Variants in ADAMTS18 observed in about 807,000 individuals in gnomAD.
ADAMTS18 encodes the protein A disintegrin and metalloproteinase with thrombospondin motifs 18.
Under a neutral mutation model 165.9 loss-of-function variants are expected in ADAMTS18, and 157 were observed. The observed-to-expected ratio is 0.95, with a 90% confidence interval of 0.83 to 1.08. The LOEUF (loss-of-function observed/expected upper bound fraction) is 1.08. Ranked by LOEUF, ADAMTS18 falls within the 50% of genes least tolerant of loss-of-function variation. The pLI is 0.00. For missense variants in ADAMTS18, 2,040 were observed against 1,534.0 expected (o/e 1.33, Z -5.51); for synonymous variants, 782 against 578.2 (o/e 1.35, Z -5.06).
At chr16:77,296,367 G>C (rs949008518) in intron 18 of ADAMTS18, among the ~76,000 whole-genome samples, 2 of 152,096 alleles carry the variant, frequency 1.3e-5, no homozygotes, top group Non-Finnish European at 2.9e-5. Flanking sequence ...TTTGTGTCTT[G>C]CTACTGTGTA....
chr16:77,400,491 T>G (rs1364186542), intron 3 of ADAMTS18, among the ~76,000 whole-genome samples: 11 of 149,130 alleles, frequency 7.4e-5, no homozygotes, highest in African/African-American at 1.7e-4. Flanking sequence ...TTTTGTTTTT[T>G]TTTTTTTTGA....
chr16:77,286,363 C>T (rs16945453), intron 22 of ADAMTS18, among the ~76,000 whole-genome samples: 2,111 of 152,184 alleles, frequency 0.014, 57 homozygotes, highest in African/African-American at 0.048. Flanking sequence ...ATTTGTTGTC[C>T]GTTTCCATTT....
chr16:77,408,587 T>C (rs896501360), intron 3 of ADAMTS18, among the ~76,000 whole-genome samples: 1 of 152,012 alleles, frequency 6.6e-6, no homozygotes, highest in South Asian at 2.1e-4. Flanking sequence ...CAAAAGAAAC[T>C]CGACAAATTA....
Position 77,434,747 on chromosome 16 carries a change from G to T in ADAMTS18, c.-52C>A. Reference sequence around the variant, plus strand: ...GGTGGCCAGACGCGGCAGGCGGAGCGCACGGGCGGCGCGCATTCTTTCCGC... The same window carrying T: ...GGTGGCCAGACGCGGCAGGCGGAGCTCACGGGCGGCGCGCATTCTTTCCGC... On this transcript the variant is annotated 5_prime_UTR_variant, in exon 1 of 23. Transcript: ENST00000282849. 3 of 1,349,514 alleles carry T rather than the reference G, an allele frequency of 2.2e-6. No individual in the cohort carries two copies. Among genetic ancestry groups the T allele is most frequent in the Middle Eastern group, 2.7e-4 (1 of 3,690 alleles). The allele number at this position is 1,349,514 out of a possible 1,614,324, so 83.6% of individuals were successfully genotyped here.
intron 3 of ADAMTS18, among the ~76,000 whole-genome samples, chr16:77,430,149 AAAAC>A (rs35091044): frequency 8.6e-4 from 124 of 143,496 alleles, no homozygotes; most frequent in Admixed American, 2.9e-3. Context: ...GTGCCACAAC[AAAAC>A]AAACAAACAA....
At position 77,405,014 on chromosome 16, in the gene ADAMTS18, C is replaced by T. The variant is rs181995974; in HGVS notation, c.495+26281G>A. On this transcript the variant is annotated intron_variant, in intron 3 of 22. Transcript: ENST00000282849. ...GAGCGGGGGAATGTTTTTAGCACTG[C>T]TGTTAATTACCTTAGCCACTGGTGA... Among the ~76,000 whole-genome samples, 5 of 152,318 alleles carry T rather than the reference C, an allele frequency of 3.3e-5. No homozygotes were observed. In the East Asian group the frequency reaches 9.7e-4, roughly 29 times the overall value.
At chr16:77,324,790 T>C (rs759172615) in intron 13 of ADAMTS18, among the ~76,000 whole-genome samples, 1 of 152,230 alleles carries the variant, frequency 6.6e-6, no homozygotes, top group South Asian at 2.1e-4. Flanking sequence ...TCCTATTCAA[T>C]AGCTCTTTGA....
intron 4 of ADAMTS18, among the ~76,000 whole-genome samples, chr16:77,364,869 G>T (rs2650910): frequency 6.6e-6 from 1 of 151,902 alleles, no homozygotes; most frequent in Admixed American, 6.5e-5. Context: ...AATTTGAGAC[G>T]CAAAGGTGGG....
At chr16:77,362,777 C>A (rs935489872) in intron 6 of ADAMTS18, among the ~76,000 whole-genome samples, 1 of 152,144 alleles carries the variant, frequency 6.6e-6, no homozygotes, top group African/African-American at 2.4e-5. Context: ...TTAAAATAAT[C>A]ATTTGTCAAA....
At chr16:77,419,248 C>T (rs1364192576) in intron 3 of ADAMTS18, among the ~76,000 whole-genome samples, 3 of 152,262 alleles carry the variant, frequency 2.0e-5, no homozygotes, top group Non-Finnish European at 4.4e-5. Flanking sequence ...GGATGTCACC[C>T]AGGCTACATT....
At chr16:77,334,796 T>TATAGTATACAGTAA (rs1452046491) in intron 12 of ADAMTS18, among the ~76,000 whole-genome samples, 35 of 22,464 alleles carry the variant, frequency 1.6e-3, no homozygotes, top group African/African-American at 7.3e-3. Flanking sequence ...GTAAATATAC[T>TATAGTATACAGTAA]ATATACTATA....
chr16:77,287,539 G>A (rs750053074), intron 22 of ADAMTS18, among the ~76,000 whole-genome samples: 34 of 152,166 alleles, frequency 2.2e-4, no homozygotes, highest in Admixed American at 3.9e-4. Context: ...GTGCAGTGGT[G>A]CAATCTCGGG....
rs1276384074 is a variant in ADAMTS18 at position 77,300,169 on chromosome 16, C to T, written c.2674+94G>A. On this transcript the variant is annotated intron_variant, in intron 17 of 22. Transcript: ENST00000282849. ...CTCATAAAAGACAGTTCTTGGGTGG[C>T]TTATTTAAACCATATTATGTTAAAG... The T allele has an allele frequency of 3.4e-6, 5 of 1,469,678 alleles. No homozygotes were observed. In the African/African-American group the frequency reaches 5.6e-5, roughly 16 times the overall value. 91.0% of individuals were successfully genotyped at this position (1,469,678 alleles called of 1,614,324 possible). A position where few individuals can be genotyped will look rare whatever the true frequency, so the allele number is the denominator to read the frequency against.
At chr16:77,366,409 T>C (rs2056794320) in intron 4 of ADAMTS18, among the ~76,000 whole-genome samples, 1 of 152,052 alleles carries the variant, frequency 6.6e-6, no homozygotes, top group South Asian at 2.1e-4. Flanking sequence ...AATACAAAAA[T>C]TAGCTTGGCG....
At chr16:77,358,789 G>C (rs534900258) in intron 8 of ADAMTS18, among the ~76,000 whole-genome samples, 16 of 152,168 alleles carry the variant, frequency 1.1e-4, no homozygotes, top group Non-Finnish European at 1.8e-4. Flanking sequence ...TATTATACTT[G>C]TTCCAATGCA....
At chr16:77,351,137 C>T (rs1204095700) in intron 10 of ADAMTS18, among the ~76,000 whole-genome samples, 2 of 152,110 alleles carry the variant, frequency 1.3e-5, no homozygotes, top group Non-Finnish European at 2.9e-5. Flanking sequence ...GAGGTGTGGC[C>T]ATGGGTTCAA....
intron 12 of ADAMTS18, among the ~76,000 whole-genome samples, chr16:77,334,093 T>TGC (rs532059899): frequency 0.034 from 1,359 of 40,490 alleles, 107 homozygotes; most frequent in South Asian, 0.036. Flanking sequence ...GTGTTATATA[T>TGC]TATATATAAT....
chr16:77,417,061 C>G (rs907018444), intron 3 of ADAMTS18, among the ~76,000 whole-genome samples: 6 of 152,098 alleles, frequency 3.9e-5, no homozygotes, highest in Non-Finnish European at 8.8e-5. Flanking sequence ...ATTTGTGTTC[C>G]CAGGGTCCTT....
chr16:77,284,126 T>G lies in ADAMTS18; in HGVS notation c.3551-55A>C, dbSNP rs892325611. On this transcript the variant is annotated intron_variant, in intron 22 of 22. Transcript: ENST00000282849. Reference sequence around the variant, plus strand: ...GGCTAGGGTGTCTATCCTTTTTCTTTTTTTTTTTTTTTGAGATGGAGTCTC... The same window carrying G: ...GGCTAGGGTGTCTATCCTTTTTCTTGTTTTTTTTTTTTGAGATGGAGTCTC... The G allele has an allele frequency of 6.4e-5, 61 of 960,624 alleles. No individual in the cohort carries two copies. In the African/African-American group the frequency reaches 1.3e-3, roughly 20 times the overall value. 59.5% of individuals were successfully genotyped at this position (960,624 alleles called of 1,614,324 possible).
Sources: gnomAD v4.1 joint callset for allele counts (sites outside exome capture counted in the v4.1 genomes callset) on GRCh38, gnomAD v4.1.1 for gene constraint, MANE v1.5 for transcripts, NCBI Gene and HGNC (gene_info 2026-07-23, HGNC 2026-07-21) for gene names.